ZNF804B: variants seen among roughly 807,000 people sequenced by gnomAD.
ZNF804B encodes zinc finger 804B.
A neutral mutation model predicts 101.4 loss-of-function variants in ZNF804B; 80 were observed. The ratio of observed to expected loss-of-function variants is 0.79; its 90% CI spans 0.66 to 0.95. The LOEUF is 0.95. Ranked by LOEUF, ZNF804B falls within the 40% of genes least tolerant of loss-of-function variation. The pLI is 0.00. For synonymous variants in ZNF804B, 622 were observed against 558.8 expected (o/e 1.11, Z -1.59); for missense variants, 1,673 against 1,561.9 (o/e 1.07, Z -1.20).
rs570081074 is a variant in ZNF804B at position 88,903,098 on chromosome 7, C to G, written c.108+143014C>G. On this transcript the variant is annotated intron_variant, in intron 1 of 3. Transcript: ENST00000333190. ...AGTTTTTCAACCCATCACCCTTCCCCCTTCCTCCCCCCTCTAATAGTCTCC... is the reference window on the plus strand; with the variant it reads ...AGTTTTTCAACCCATCACCCTTCCCGCTTCCTCCCCCCTCTAATAGTCTCC... Among the ~76,000 whole-genome samples, 187 of 150,226 alleles carry G rather than the reference C, an allele frequency of 1.2e-3. 1 individual carries two copies. Among genetic ancestry groups the G allele is most frequent in the Non-Finnish European group, 2.4e-3 (162 of 67,598 alleles).
intron 1 of ZNF804B, among the ~76,000 whole-genome samples, chr7:89,130,882 T>C (rs1363221123): frequency 6.6e-6 from 1 of 152,036 alleles, no homozygotes; most frequent in African/African-American, 2.4e-5. Flanking sequence ...AACAATCATC[T>C]AAGCAGTCTT....
chr7:88,870,017 A>G (rs1343896326), intron 1 of ZNF804B, among the ~76,000 whole-genome samples: 2 of 152,186 alleles, frequency 1.3e-5, no homozygotes, highest in Non-Finnish European at 2.9e-5. Flanking sequence ...ACTGAAGGAC[A>G]GGCTCTGGGA....
intron 1 of ZNF804B, among the ~76,000 whole-genome samples, chr7:88,790,229 T>C (rs1038758918): frequency 6.6e-6 from 1 of 152,186 alleles, no homozygotes; most frequent in Admixed American, 6.6e-5. Flanking sequence ...TACTCTTATT[T>C]AAAATTTTAT....
chr7:89,159,660 C>T (rs1791029619), intron 1 of ZNF804B, among the ~76,000 whole-genome samples: 1 of 152,088 alleles, frequency 6.6e-6, no homozygotes, highest in Admixed American at 6.6e-5. Context: ...TGAACTCTTT[C>T]TTCCAATATT....
intron 2 of ZNF804B, among the ~76,000 whole-genome samples, chr7:89,275,009 T>C (rs1789957179): frequency 1.3e-5 from 2 of 152,068 alleles, no homozygotes; most frequent in Admixed American, 1.3e-4. Flanking sequence ...AGCTCTGAAA[T>C]GAATTTGTCT....
At chr7:89,206,788 A>C (rs1244580397) in intron 1 of ZNF804B, among the ~76,000 whole-genome samples, 1 of 152,104 alleles carries the variant, frequency 6.6e-6, no homozygotes, top group East Asian at 1.9e-4. Flanking sequence ...ACCCACAAAA[A>C]TGAATACTTT....
intron 1 of ZNF804B, among the ~76,000 whole-genome samples, chr7:89,034,497 G>A (rs779330443): frequency 4.6e-5 from 7 of 151,924 alleles, no homozygotes; most frequent in Non-Finnish European, 1.0e-4. Context: ...GAGAACATGC[G>A]GTGTTTGGTT....
chr7:89,242,509 C>A (rs1053302924), intron 2 of ZNF804B, among the ~76,000 whole-genome samples: 1 of 151,692 alleles, frequency 6.6e-6, no homozygotes, highest in Admixed American at 6.6e-5. Flanking sequence ...TTTATGTTAT[C>A]ATGTAATTAA....
intron 1 of ZNF804B, among the ~76,000 whole-genome samples, chr7:88,840,427 T>C (rs1332744349): frequency 6.6e-6 from 1 of 152,190 alleles, no homozygotes; most frequent in Non-Finnish European, 1.5e-5. Flanking sequence ...GCCTTGTTTA[T>C]GCAACAATTG....
chr7:89,313,080 C>T (rs1291626294), intron 2 of ZNF804B, among the ~76,000 whole-genome samples: 1 of 152,102 alleles, frequency 6.6e-6, no homozygotes, highest in African/African-American at 2.4e-5. Flanking sequence ...ACTTTTGAAT[C>T]CACAAAATGA....
At chr7:89,077,417 AT>A (rs1232917474) in intron 1 of ZNF804B, among the ~76,000 whole-genome samples, 3 of 152,108 alleles carry the variant, frequency 2.0e-5, no homozygotes, top group Non-Finnish European at 1.5e-5. Context: ...AAAATTACAC[AT>A]TTTTTAACAG....
intron 2 of ZNF804B, among the ~76,000 whole-genome samples, chr7:89,259,994 A>AAGAGAG (rs1030594401): frequency 1.3e-5 from 2 of 151,692 alleles, no homozygotes; most frequent in African/African-American, 4.8e-5. Context: ...AAAAAATAAA[A>AAGAGAG]AGAGAGAGAG....
chr7:88,896,142 C>CTCTGG (rs1792280178), intron 1 of ZNF804B, among the ~76,000 whole-genome samples: 1 of 152,142 alleles, frequency 6.6e-6, no homozygotes, highest in Admixed American at 6.5e-5. Flanking sequence ...ATGATTATCT[C>CTCTGG]TCTGGTTTTT....
At chr7:89,212,361 G>A (rs144262775) in intron 1 of ZNF804B, among the ~76,000 whole-genome samples, 114 of 151,830 alleles carry the variant, frequency 7.5e-4, no homozygotes, top group East Asian at 3.1e-3. Context: ...CTTCTCAAGC[G>A]TTCTGCTGTG....
At chr7:88,938,707 A>C (rs918257461) in intron 1 of ZNF804B, among the ~76,000 whole-genome samples, 1 of 152,030 alleles carries the variant, frequency 6.6e-6, no homozygotes, top group Admixed American at 6.6e-5. Flanking sequence ...CATCAGCAAA[A>C]CAGGAGGAAA....
intron 1 of ZNF804B, among the ~76,000 whole-genome samples, chr7:88,927,860 G>GT (rs916991072): frequency 8.6e-5 from 13 of 151,592 alleles, no homozygotes; most frequent in African/African-American, 2.7e-4. Flanking sequence ...GCACTTATGG[G>GT]TTTTTTTTAG....
At chr7:88,955,436 G>A (rs764640098) in intron 1 of ZNF804B, among the ~76,000 whole-genome samples, 1 of 151,522 alleles carries the variant, frequency 6.6e-6, no homozygotes, top group Non-Finnish European at 1.5e-5. Flanking sequence ...TATCTAGCTG[G>A]AAAAGCAAGC....
intron 1 of ZNF804B, among the ~76,000 whole-genome samples, chr7:89,099,382 A>G (rs1263041782): frequency 6.6e-6 from 1 of 152,208 alleles, no homozygotes; most frequent in East Asian, 1.9e-4. Flanking sequence ...ATGTTACAAT[A>G]GAAGTCCACA....
intron 1 of ZNF804B, among the ~76,000 whole-genome samples, chr7:89,172,490 T>C (rs13223692): frequency 0.46 from 69,431 of 151,956 alleles, 16,231 homozygotes; most frequent in South Asian, 0.58. Flanking sequence ...TTGATTCTTC[T>C]CGCCTATGAA....
Sources: allele counts gnomAD v4.1 joint callset (sites outside exome capture counted in the v4.1 genomes callset), GRCh38; gene constraint gnomAD v4.1.1; transcripts MANE v1.5; gene names NCBI Gene and HGNC (gene_info 2026-07-23, HGNC 2026-07-21).